Variants in TPD52 observed in about 807,000 individuals in gnomAD.
The protein encoded by TPD52 is prostate and colon associated protein.
In TPD52, 17 loss-of-function variants were observed where a neutral mutation model predicts 31.3. The ratio of observed to expected loss-of-function variants is 0.54; its 90% CI spans 0.37 to 0.82. The LOEUF (loss-of-function observed/expected upper bound fraction) is 0.82. Ranked by LOEUF, TPD52 falls within the 40% of genes least tolerant of loss-of-function variation. TPD52 has a pLI of 0.00. For synonymous variants in TPD52, 83 were observed against 89.6 expected (o/e 0.93, Z 0.42); for missense variants, 212 against 240.1 (o/e 0.88, Z 0.77).
intron 1 of TPD52, among the ~76,000 whole-genome samples, chr8:80,065,250 G>A (rs1217569889): frequency 7.0e-6 from 1 of 142,204 alleles, no homozygotes; most frequent in East Asian, 2.1e-4. Context: ...TGATGATATA[G>A]ATGATTATAT....
At chr8:80,067,859 GC>G (rs1415659499) in intron 1 of TPD52, among the ~76,000 whole-genome samples, 1 of 151,460 alleles carries the variant, frequency 6.6e-6, no homozygotes, top group Non-Finnish European at 1.5e-5. Flanking sequence ...TCCAAATTTT[GC>G]CTTATATATT....
intron 1 of TPD52, among the ~76,000 whole-genome samples, chr8:80,108,159 T>C (rs961668013): frequency 6.6e-6 from 1 of 152,202 alleles, no homozygotes; most frequent in Non-Finnish European, 1.5e-5. Context: ...ATTTTTCAAA[T>C]GCTTTCGGCT....
intron 1 of TPD52, among the ~76,000 whole-genome samples, chr8:80,150,301 C>G (rs1265398925): frequency 6.6e-6 from 1 of 152,206 alleles, no homozygotes; most frequent in Non-Finnish European, 1.5e-5. Flanking sequence ...TGTGGAAACG[C>G]CTGGATGTCC....
At chr8:80,157,927 G>A (rs894632824) in intron 1 of TPD52, among the ~76,000 whole-genome samples, 2 of 152,114 alleles carry the variant, frequency 1.3e-5, no homozygotes, top group African/African-American at 4.8e-5. Context: ...ACTAAAACCA[G>A]TGGCATCCAC....
chr8:80,114,047 C>G (rs1418278645), intron 1 of TPD52, among the ~76,000 whole-genome samples: 1 of 152,144 alleles, frequency 6.6e-6, no homozygotes, highest in Non-Finnish European at 1.5e-5. Flanking sequence ...GAGTTCAAGA[C>G]CAGCCTGGCC....
intron 1 of TPD52, among the ~76,000 whole-genome samples, chr8:80,083,585 C>G (rs1815498921): frequency 6.6e-6 from 1 of 152,136 alleles, no homozygotes; most frequent in South Asian, 2.1e-4. Context: ...CTCATTCTCT[C>G]TCCCGCCACC....
At chr8:80,102,599 G>T (rs557427030) in intron 1 of TPD52, among the ~76,000 whole-genome samples, 25 of 152,270 alleles carry the variant, frequency 1.6e-4, no homozygotes, top group African/African-American at 5.8e-4. Flanking sequence ...TTAGAACATC[G>T]TGTTGTGATA....
At chr8:80,039,902 A>G (rs1459843903) in intron 7 of TPD52, among the ~76,000 whole-genome samples, 1 of 152,072 alleles carries the variant, frequency 6.6e-6, no homozygotes, top group Non-Finnish European at 1.5e-5. Context: ...AGCTTTTCAC[A>G]TCAGAACCCT....
chr8:80,047,597 T>C lies in TPD52; in HGVS notation c.413+2848A>G, dbSNP rs190405041. On this transcript the variant is annotated intron_variant, in intron 5 of 7. Transcript: ENST00000518937. ...AAATACTTTTGAGTGAAAGAATGAA[T>C]GAATAAATGAATAAACAATTTTGAT... is the stretch of plus-strand genomic sequence containing the variant. 3.9e-5 allele frequency among the ~76,000 whole-genome samples: 6 copies of C among 152,314 alleles called. No homozygotes were observed. The East Asian group carries it at 1.2e-3, about 29-fold the overall frequency.
At chr8:80,170,931 C>T (rs77516066) in intron 1 of TPD52, 5,832 of 337,440 alleles carry the variant, frequency 0.017, 71 homozygotes, top group Non-Finnish European at 0.024. Flanking sequence ...CCAAACCCCC[C>T]ATGGGTCATA....
chr8:80,075,499 T>G (rs958677374), intron 1 of TPD52, among the ~76,000 whole-genome samples: 2 of 152,132 alleles, frequency 1.3e-5, no homozygotes, highest in Non-Finnish European at 2.9e-5. Flanking sequence ...GAAGAAACGA[T>G]CCTCAAGGTA....
intron 1 of TPD52, among the ~76,000 whole-genome samples, chr8:80,165,548 C>A (rs1811657234): frequency 6.6e-6 from 1 of 152,176 alleles, no homozygotes; most frequent in Non-Finnish European, 1.5e-5. Context: ...CTCTCTTTTT[C>A]CTGAAAGCAG....
chr8:80,095,734 A>C (rs141985192), intron 1 of TPD52, among the ~76,000 whole-genome samples: 40 of 152,184 alleles, frequency 2.6e-4, no homozygotes, highest in African/African-American at 9.4e-4. Flanking sequence ...TCATGAGGTC[A>C]AAAGATCGAG....
Position 80,171,529 on chromosome 8 carries a change from C to G in TPD52, c.-86G>C. 3 of 1,444,556 alleles carry G rather than the reference C, an allele frequency of 2.1e-6. No homozygotes were observed. The highest frequency in any genetic ancestry group is 1.5e-5 in the African/African-American group (1 of 67,244). 89.5% of individuals were successfully genotyped at this position (1,444,556 alleles called of 1,614,324 possible). On this transcript the variant is annotated 5_prime_UTR_variant, in exon 1 of 8. Coordinates refer to ENST00000518937, the MANE Select transcript of TPD52 (RefSeq NM_001025253.3). The stretch of plus-strand genomic sequence containing the variant: ...GGATCGCCCGCCGCGCCGCGCAGAG[C>G]TCCTCCTCGCCTCCGCCGGCGACTC...
chr8:80,116,586 A>G (rs1246463017), intron 1 of TPD52, among the ~76,000 whole-genome samples: 2 of 152,210 alleles, frequency 1.3e-5, no homozygotes, highest in African/African-American at 4.8e-5. Context: ...ATGAATACCA[A>G]TTATTCACAA....
intron 1 of TPD52, among the ~76,000 whole-genome samples, chr8:80,164,512 A>C (rs768679292): frequency 3.5e-4 from 53 of 152,226 alleles, no homozygotes; most frequent in Non-Finnish European, 7.5e-4. Flanking sequence ...ATAAAAAATA[A>C]AACCATAAAA....
At chr8:80,124,076 T>G (rs1400371456) in intron 1 of TPD52, among the ~76,000 whole-genome samples, 3 of 151,732 alleles carry the variant, frequency 2.0e-5, no homozygotes, top group African/African-American at 7.3e-5. Flanking sequence ...TTTGGAGAAC[T>G]GTGCAGGAAA....
intron 1 of TPD52, among the ~76,000 whole-genome samples, chr8:80,118,962 A>G (rs13271853): frequency 0.43 from 65,882 of 152,102 alleles, 14,879 homozygotes; most frequent in East Asian, 0.78. Context: ...GTACAAAAAA[A>G]CATGCACAAA....
chr8:80,139,806 C>G (rs1210956286), intron 1 of TPD52, among the ~76,000 whole-genome samples: 1 of 152,132 alleles, frequency 6.6e-6, no homozygotes, highest in Non-Finnish European at 1.5e-5. Flanking sequence ...TTCAATCCTC[C>G]TAACCATCTT....
Sources: gnomAD v4.1 joint callset for allele counts (sites outside exome capture counted in the v4.1 genomes callset) on GRCh38, gnomAD v4.1.1 for gene constraint, MANE v1.5 for transcripts, NCBI Gene and HGNC (gene_info 2026-07-23, HGNC 2026-07-21) for gene names.